The following SLC34A1 variants were observed in gnomAD, a reference collection of about 807,000 sequenced individuals.
SLC34A1 encodes sodium-dependent phosphate transport protein 2A.
A neutral mutation model predicts 51.4 loss-of-function variants in SLC34A1; 57 were observed. That is an observed-to-expected ratio of 1.11 (90% confidence interval 0.90 to 1.38). SLC34A1 has a LOEUF of 1.38. Ranked by LOEUF, SLC34A1 falls within the 40% of genes most tolerant of loss-of-function variation. The pLI is 0.00. For missense variants in SLC34A1, 796 were observed against 835.6 expected (o/e 0.95, Z 0.58); for synonymous variants, 368 against 358.0 (o/e 1.03, Z -0.32).
Position 177,386,692 on chromosome 5 carries a change from G to C in SLC34A1, c.532+126G>C. ...TTCAGCTTGACTCCTGTATCAGCCA[G>C]GGACATGAGAGGAGCCCAACTGTAG... is the stretch of plus-strand genomic sequence containing the variant. On this transcript the variant is annotated intron_variant, in intron 5 of 12. Transcript: ENST00000324417. The surrounding 1 kb of genome is among the most constrained non-coding windows in gnomAD (Gnocchi z 4.8). The C allele has an allele frequency of 8.5e-7, 1 of 1,172,704 alleles. No homozygotes were observed. Among genetic ancestry groups the C allele is most frequent in the Non-Finnish European group, 1.2e-6 (1 of 800,656 alleles). The allele number at this position is 1,172,704 out of a possible 1,614,324, so 72.6% of individuals were successfully genotyped here.
In SLC34A1 at chr5:177,396,712, T is replaced by G; in HGVS notation, c.1175-21T>G. Reference sequence around the variant, plus strand: ...TGTCCCCGCTCTGACCCCAGCCTGCTGGGATGCGGTTTCCTTGCAGACTTC... The same window carrying G: ...TGTCCCCGCTCTGACCCCAGCCTGCGGGGATGCGGTTTCCTTGCAGACTTC... On this transcript the variant is annotated intron_variant, in intron 10 of 12. Coordinates refer to ENST00000324417, the MANE Select transcript of SLC34A1 (RefSeq NM_003052.5). The surrounding 1 kb of genome is among the most constrained non-coding windows in gnomAD (Gnocchi z 4.0). 6.2e-7 allele frequency: 1 copy of G among 1,610,020 alleles called. No individual in the cohort carries two copies. The highest frequency in any genetic ancestry group is 8.5e-7 in the Non-Finnish European group (1 of 1,176,240).
rs988603288 is a variant in SLC34A1, at chr5:177,388,469, T to C, written c.936+97T>C. The stretch of plus-strand genomic sequence containing the variant: ...TGCTCCAGATAGACCTTGAAGATCA[T>C]TTAGCCAGGAGAGGGCAAATATGTG... On this transcript the variant is annotated intron_variant, in intron 8 of 12. Coordinates refer to ENST00000324417, the MANE Select transcript of SLC34A1 (RefSeq NM_003052.5). This position sits in a 1 kb window ranked among gnomAD's most constrained non-coding sequence, Gnocchi z 4.3. The C allele has an allele frequency of 1.8e-6, 2 of 1,091,792 alleles. No individual in the cohort carries two copies. The highest frequency in any genetic ancestry group is 3.1e-5 in the African/African-American group (2 of 64,618). 67.6% of individuals were successfully genotyped at this position (1,091,792 alleles called of 1,614,324 possible).
intron 2 of SLC34A1, 41 bp from the exon 3 acceptor site, chr5:177,385,946 A>C: frequency 6.2e-7 from 1 of 1,610,006 alleles, no homozygotes; most frequent in South Asian, 1.1e-5. Context: ...CCGCCTCCCC[A>C]CTTTGGGGCC....
rs1763040748 is a variant in SLC34A1, at chr5:177,398,338, C to T, written c.*52C>T. 3 of 1,593,716 alleles carry T rather than the reference C, an allele frequency of 1.9e-6. No individual in the cohort carries two copies. Among genetic ancestry groups the T allele is most frequent in the Non-Finnish European group, 1.7e-6 (2 of 1,176,154 alleles). On this transcript the variant is annotated 3_prime_UTR_variant, in exon 13 of 13. Transcript: ENST00000324417. The surrounding 1 kb of genome is among the most constrained non-coding windows in gnomAD (Gnocchi z 4.7). ...ATGGGGAAGGCCTGGGGTGGAAAGG[C>T]AGGGGAGGGAGGGTGTGTGTAGGTA...
At chr5:177,393,886 C>T in intron 9 of SLC34A1, 123 bp downstream of exon 9, 1 of 1,471,854 alleles carries the variant, frequency 6.8e-7, no homozygotes, top group South Asian at 1.1e-5. Context: ...ACTAGCCCAG[C>T]TCCTGAGCCT....
At chr5:177,389,789 C>T in intron 8 of SLC34A1, 1 of 1,534,280 alleles carries the variant, frequency 6.5e-7, no homozygotes, top group Non-Finnish European at 8.7e-7. Context: ...CACGTCCTCA[C>T]TTGAAGTCAT....
rs776259062 is a variant in SLC34A1 at position 177,386,052 on chromosome 5, G to A, written c.175G>A (p.Glu59Lys). 3 of 1,610,186 alleles carry A rather than the reference G, an allele frequency of 1.9e-6. No homozygotes were observed. In the South Asian group the frequency reaches 3.3e-5, roughly 18 times the overall value. Residue 59 changes from glutamate (E) to lysine (K), a missense_variant, in exon 3 of 13, where the codon GAG (glutamate) becomes AAG (lysine). Transcript: ENST00000324417. The surrounding 1 kb of genome is among the most constrained non-coding windows in gnomAD (Gnocchi z 4.8). ...FPSLGPVALA[E>K]HTCPCGEVLE... ...CAGCCTGGGCCCTGTGGCCCTTGCT[G>A]AGCACACCTGCCCCTGTGGGGAGGT...
At chr5:177,392,130 C>T (rs561729862) in intron 8 of SLC34A1, among the ~76,000 whole-genome samples, 5 of 152,318 alleles carry the variant, frequency 3.3e-5, no homozygotes, top group South Asian at 2.1e-4. Flanking sequence ...GAGCACATCC[C>T]GCTAAAATAA....
rs1317409653 is a variant in SLC34A1, at chr5:177,398,024, C to T, written c.1658C>T (p.Ala553Val). 1.2e-6 allele frequency: 2 copies of T among 1,614,130 alleles called. No individual in the cohort carries two copies. The highest frequency in any genetic ancestry group is 8.5e-7 in the Non-Finnish European group (1 of 1,180,022). The part of the protein sequence containing the change: ...GVGTPFGALL[A>V]FVVLINVLQS... ...GGCACGCCCTTCGGGGCCCTGCTGG[C>T]CTTCGTGGTGCTCATCAATGTCCTG... is the stretch of plus-strand genomic sequence containing the variant. The change falls in exon 13 of 13, where the codon GCC becomes GTC. Residue 553 changes from alanine (A) to valine (V), a missense_variant. Coordinates refer to ENST00000324417, the MANE Select transcript of SLC34A1 (RefSeq NM_003052.5). This position sits in a 1 kb window ranked among gnomAD's most constrained non-coding sequence, Gnocchi z 4.7.
chr5:177,397,089 T>C lies in SLC34A1; in HGVS notation c.1416+15T>C, dbSNP rs541796996. 1 of 1,611,226 alleles carries C rather than the reference T, an allele frequency of 6.2e-7. No homozygotes were observed. Among genetic ancestry groups the C allele is most frequent in the African/African-American group, 1.3e-5 (1 of 75,008 alleles). On this transcript the variant is annotated intron_variant, in intron 12 of 12. Transcript: ENST00000324417. ...GCGCTTTCCAGGTGCGCTGGGAGTG[T>C]AGCCTCGCCTGGGGCAGGATGGAGC...
chr5:177,396,985 C>T lies in SLC34A1; in HGVS notation c.1327C>T (p.Leu443Phe). 6.2e-7 allele frequency: 1 copy of T among 1,614,190 alleles called. No individual in the cohort carries two copies. Among genetic ancestry groups the T allele is most frequent in the Non-Finnish European group, 8.5e-7 (1 of 1,180,030 alleles). ...GVISIERAYP[L>F]TLGSNIGTTT... is the part of the protein sequence containing the mutation. ...GATCAGCATTGAGAGGGCCTACCCG[C>T]TCACACTGGGTTCCAACATCGGCAC... Residue 443 changes from leucine (L) to phenylalanine (F), a missense_variant, in exon 12 of 13, where the codon CTC becomes TTC. Physicochemically the swap from Leu to Phe is conservative, Grantham distance 22. Transcript: ENST00000324417. The surrounding 1 kb of genome is among the most constrained non-coding windows in gnomAD (Gnocchi z 4.0).
intron 8 of SLC34A1, chr5:177,389,987 T>C: frequency 7.3e-7 from 1 of 1,371,400 alleles, no homozygotes; most frequent in South Asian, 1.6e-5. Flanking sequence ...GCTCTCACTT[T>C]CATCCCCTTT....
chr5:177,397,243 G>A (rs1261078189), intron 12 of SLC34A1, 169 bp downstream of exon 12: 5 of 740,444 alleles, frequency 6.8e-6, no homozygotes, highest in African/African-American at 5.3e-5. Flanking sequence ...CCACCCTCGA[G>A]ACCTTAGCAT....
chr5:177,385,185 T>A (rs1762517396), intron 1 of SLC34A1, among the ~76,000 whole-genome samples: 1 of 152,094 alleles, frequency 6.6e-6, no homozygotes, highest in Non-Finnish European at 1.5e-5. Context: ...CTGCAGCTCC[T>A]CCTTGCTCTC....
rs540511638 is a variant in SLC34A1 at position 177,396,403 on chromosome 5, G to T, written c.1175-330G>T. 1.3e-5 allele frequency among the ~76,000 whole-genome samples: 2 copies of T among 152,144 alleles called. No homozygotes were observed. Among genetic ancestry groups the T allele is most frequent in the East Asian group, 3.9e-4 (2 of 5,164 alleles). ...GCAGTGGGAGCAAACCCCCATGGAG[G>T]TCGTCTCTCCCAGTGCCCCCGCGGA... On this transcript the variant is annotated intron_variant, in intron 10 of 12. Coordinates refer to ENST00000324417, the MANE Select transcript of SLC34A1 (RefSeq NM_003052.5). This position sits in a 1 kb window ranked among gnomAD's most constrained non-coding sequence, Gnocchi z 4.0.
chr5:177,396,914 C>G lies in SLC34A1; in HGVS notation c.1292-36C>G. On this transcript the variant is annotated intron_variant, in intron 11 of 12. Coordinates refer to ENST00000324417, the MANE Select transcript of SLC34A1 (RefSeq NM_003052.5). The surrounding 1 kb of genome is among the most constrained non-coding windows in gnomAD (Gnocchi z 4.0). ...CTGGCAGGGAAAGGGCCGAAGGAGA[C>G]GCTGGGGGTCCCACTTCCTCTCCCT... 6.2e-7 allele frequency: 1 copy of G among 1,614,126 alleles called. No individual in the cohort carries two copies. The highest frequency in any genetic ancestry group is 8.5e-7 in the Non-Finnish European group (1 of 1,180,012).
intron 8 of SLC34A1, chr5:177,390,226 G>A (rs765860959): frequency 4.0e-6 from 4 of 992,904 alleles, no homozygotes; most frequent in Non-Finnish European, 4.8e-6. Context: ...CAAGTCCAAG[G>A]CCTACCAGAT....
rs549939324 is a variant in SLC34A1, at chr5:177,386,642, G to T, written c.532+76G>T. 1 of 1,544,146 alleles carries T rather than the reference G, an allele frequency of 6.5e-7. No homozygotes were observed. The highest frequency in any genetic ancestry group is 1.4e-5 in the African/African-American group (1 of 73,670). The stretch of plus-strand genomic sequence containing the variant: ...CTGGGAAGGGTGGCAAATGGGGAGC[G>T]TGACCCCAGTAAGGCTGGCCTCCAT... On this transcript the variant is annotated intron_variant, in intron 5 of 12. Coordinates refer to ENST00000324417, the MANE Select transcript of SLC34A1 (RefSeq NM_003052.5). This position sits in a 1 kb window ranked among gnomAD's most constrained non-coding sequence, Gnocchi z 4.8.
In SLC34A1 at chr5:177,397,814, C is replaced by T. The variant is rs762470924; in HGVS notation, c.1448C>T (p.Ser483Leu). The change falls in exon 13 of 13, where the codon TCG becomes TTG. Residue 483 changes from serine (S) to leucine (L), a missense_variant. By Grantham distance (145) the Ser-to-Leu change is moderately radical (BLOSUM62 -2). Transcript: ENST00000324417. The part of the protein sequence containing the change: ...IALCHFFFNI[S>L]GILLWYPVPC... ...CTCTGTCACTTCTTCTTCAACATCT[C>T]GGGTATCCTTCTGTGGTACCCGGTG... The T allele has an allele frequency of 1.4e-5, 22 of 1,612,412 alleles. No homozygotes were observed. The highest frequency in any genetic ancestry group is 1.6e-4 in the Middle Eastern group (1 of 6,084).
Sources: allele counts gnomAD v4.1 joint callset (sites outside exome capture counted in the v4.1 genomes callset), GRCh38; gene constraint gnomAD v4.1.1; non-coding constraint Gnocchi (gnomAD v3.1); transcripts MANE v1.5; gene names NCBI Gene and HGNC (gene_info 2026-07-23, HGNC 2026-07-21).